The following CSMD1 variants were observed in gnomAD, a reference collection of about 807,000 sequenced individuals.
The protein encoded by CSMD1 is CUB and sushi domain-containing protein 1.
Under a neutral mutation model 417.5 loss-of-function variants are expected in CSMD1, and 213 were observed. That is an observed-to-expected ratio of 0.51 (90% CI 0.46 to 0.57). The LOEUF (loss-of-function observed/expected upper bound fraction) is 0.57, where lower values mean the gene tolerates loss of function less well. Ranked by LOEUF, CSMD1 falls within the 20% of genes least tolerant of loss-of-function variation. The pLI, the probability that CSMD1 is intolerant of heterozygous loss-of-function variation, is 0.00. For synonymous variants in CSMD1, 2,862 were observed against 1,736.8 expected (o/e 1.65, Z -16.11); for missense variants, 6,923 against 4,529.7 (o/e 1.53, Z -15.17).
At chr8:3,417,747 CA>C (rs763189214) in intron 12 of CSMD1, among the ~76,000 whole-genome samples, 23 of 152,274 alleles carry the variant, frequency 1.5e-4, no homozygotes, top group African/African-American at 5.5e-4. Context: ...GACTTTCACT[CA>C]GAAATCCCTA....
intron 5 of CSMD1, among the ~76,000 whole-genome samples, chr8:3,760,708 T>A (rs1797946175): frequency 6.6e-6 from 1 of 152,252 alleles, no homozygotes; most frequent in Non-Finnish European, 1.5e-5. Flanking sequence ...TCGCTTTGTT[T>A]GAGTACTTCT....
chr8:4,407,831 A>G (rs958477099), intron 3 of CSMD1, among the ~76,000 whole-genome samples: 3 of 152,208 alleles, frequency 2.0e-5, no homozygotes, highest in African/African-American at 7.2e-5. Flanking sequence ...ACAAGTGTGA[A>G]AGTCTTAAAA....
chr8:3,631,058 C>G (rs1426993965), intron 7 of CSMD1, among the ~76,000 whole-genome samples: 2 of 152,150 alleles, frequency 1.3e-5, no homozygotes, highest in Non-Finnish European at 2.9e-5. Context: ...GCCGCTCCTT[C>G]CACCCAAAAT....
chr8:3,369,880 G>A (rs1433381282), intron 18 of CSMD1, among the ~76,000 whole-genome samples: 1 of 152,214 alleles, frequency 6.6e-6, no homozygotes, highest in Non-Finnish European at 1.5e-5. Flanking sequence ...AAAGTTATGA[G>A]TTCAAATGCC....
intron 2 of CSMD1, among the ~76,000 whole-genome samples, chr8:4,578,521 T>C (rs551453547): frequency 9.2e-5 from 14 of 151,720 alleles, no homozygotes; most frequent in African/African-American, 3.4e-4. Context: ...TGTTTTATTA[T>C]AAAACCTATC....
chr8:3,803,116 C>T (rs1800547273), intron 5 of CSMD1, among the ~76,000 whole-genome samples: 1 of 152,166 alleles, frequency 6.6e-6, no homozygotes, highest in South Asian at 2.1e-4. Context: ...CTCCATCATG[C>T]TGTCTCTTTG....
intron 18 of CSMD1, among the ~76,000 whole-genome samples, chr8:3,382,065 C>T (rs1462629291): frequency 3.9e-5 from 6 of 152,170 alleles, no homozygotes; most frequent in African/African-American, 9.6e-5. Flanking sequence ...CGAGACCAGC[C>T]TGGCCAACAT....
chr8:3,601,021 T>C (rs80245349), intron 8 of CSMD1, among the ~76,000 whole-genome samples: 1 of 152,160 alleles, frequency 6.6e-6, no homozygotes, highest in Non-Finnish European at 1.5e-5. Context: ...AAGAATCAGC[T>C]ATGATTGGAC....
intron 3 of CSMD1, among the ~76,000 whole-genome samples, chr8:4,064,852 T>G (rs961393036): frequency 2.6e-5 from 4 of 152,164 alleles, no homozygotes; most frequent in Non-Finnish European, 5.9e-5. Flanking sequence ...GATGTAAGTG[T>G]ACTGTGTTTG....
chr8:4,943,509 G>A (rs13259914), intron 1 of CSMD1, among the ~76,000 whole-genome samples: 66,958 of 147,476 alleles, frequency 0.45, 16,307 homozygotes, highest in East Asian at 0.78. Context: ...AAAATAAAAT[G>A]AAATAAAATA....
intron 3 of CSMD1, among the ~76,000 whole-genome samples, chr8:4,081,782 A>G (rs781442382): frequency 6.6e-6 from 1 of 152,240 alleles, no homozygotes; most frequent in Non-Finnish European, 1.5e-5. Flanking sequence ...GAAACCAAGC[A>G]AAACACTTGA....
At chr8:3,918,490 T>G (rs987223047) in intron 5 of CSMD1, among the ~76,000 whole-genome samples, 2 of 152,214 alleles carry the variant, frequency 1.3e-5, no homozygotes, top group Admixed American at 1.3e-4. Context: ...TTTGTATGTC[T>G]TTGCAGATAT....
At chr8:3,762,513 T>A (rs977838926) in intron 5 of CSMD1, among the ~76,000 whole-genome samples, 1 of 152,212 alleles carries the variant, frequency 6.6e-6, no homozygotes, top group Admixed American at 6.5e-5. Flanking sequence ...AGGTAGGATG[T>A]TTATATCCTC....
chr8:4,750,073 T>C (rs910471272), intron 1 of CSMD1, among the ~76,000 whole-genome samples: 1 of 152,116 alleles, frequency 6.6e-6, no homozygotes, highest in Non-Finnish European at 1.5e-5. Flanking sequence ...GTGGGCGATC[T>C]CGGCTCACCG....
intron 3 of CSMD1, among the ~76,000 whole-genome samples, chr8:4,197,495 ACTCT>A (rs1799406613): frequency 6.6e-6 from 1 of 152,066 alleles, no homozygotes; most frequent in Admixed American, 6.6e-5. Context: ...TGGAAAACTG[ACTCT>A]CTGTCAAGTA....
chr8:4,934,889 A>G (rs1013998934), intron 1 of CSMD1, among the ~76,000 whole-genome samples: 7 of 152,154 alleles, frequency 4.6e-5, no homozygotes, highest in African/African-American at 1.7e-4. Context: ...GTCTATCTGT[A>G]TCTATCATCT....
intron 1 of CSMD1, among the ~76,000 whole-genome samples, chr8:4,820,116 G>A (rs1440607610): frequency 2.0e-5 from 3 of 152,078 alleles, no homozygotes; most frequent in African/African-American, 7.2e-5. Context: ...ATCTGAGCTG[G>A]GACAGAGGCT....
At chr8:3,714,149 G>T (rs1471591) in intron 6 of CSMD1, among the ~76,000 whole-genome samples, 135,603 of 149,566 alleles carry the variant, frequency 0.91, 62,872 homozygotes, top group Non-Finnish European at 1. Flanking sequence ...TACGTATTTA[G>T]AAAGTTAATA....
chr8:3,237,997 C>T (rs1260229601), intron 26 of CSMD1, among the ~76,000 whole-genome samples: 1 of 150,674 alleles, frequency 6.6e-6, no homozygotes, highest in African/African-American at 2.4e-5. Flanking sequence ...AAATTTCACT[C>T]GCGTCCGTGT....
Sources: gnomAD v4.1 joint callset for allele counts (sites outside exome capture counted in the v4.1 genomes callset) on GRCh38, gnomAD v4.1.1 for gene constraint, MANE v1.5 for transcripts, NCBI Gene and HGNC (gene_info 2026-07-23, HGNC 2026-07-21) for gene names.